PDE4D: variants seen among roughly 807,000 people sequenced by gnomAD.
PDE4D encodes 3',5'-cyclic-AMP phosphodiesterase 4D.
A neutral mutation model predicts 87.4 loss-of-function variants in PDE4D; 24 were observed. That is an observed-to-expected ratio of 0.27 (90% confidence interval 0.20 to 0.39). PDE4D has a LOEUF of 0.39. PDE4D is among the 10% of genes least tolerant of loss of function. The pLI is 1.00. For missense variants in PDE4D, 714 were observed against 1,041.0 expected, an observed-to-expected ratio of 0.69 and a Z score of 4.32; for synonymous variants, 384 against 383.2, an observed-to-expected ratio of 1.00 and a Z score of -0.02.
chr5:59,798,663 T>C (rs1766784073), intron 1 of PDE4D, among the ~76,000 whole-genome samples: 1 of 152,170 alleles, frequency 6.6e-6, no homozygotes, highest in South Asian at 2.1e-4. Context: ...TTTTTAAGAA[T>C]ATGAAAGTCT....
chr5:58,970,858 T>G lies in PDE4D; in HGVS notation c.*3806A>C, dbSNP rs565346712. ...AAGGACTTAAAAAAAAGAAAAAGAT[T>G]GTTTATAATCACTGGGAAAGAATAT... On this transcript the variant is annotated 3_prime_UTR_variant, in exon 15 of 15. Transcript: ENST00000340635. 7.4e-4 allele frequency: 113 copies of G among 151,772 alleles called. No homozygotes were observed. The highest frequency in any genetic ancestry group is 2.7e-3 in the African/African-American group (111 of 41,362). The allele number at this position is 151,772 out of a possible 1,614,324, so 9.4% of individuals were successfully genotyped here.
chr5:60,432,046 T>C (rs905535775), intron 1 of PDE4D, among the ~76,000 whole-genome samples: 38 of 151,444 alleles, frequency 2.5e-4, no homozygotes, highest in Middle Eastern at 3.4e-3. Context: ...CAGCTCGGCA[T>C]CAGAGGGAGA....
chr5:59,274,443 T>C (rs1392808603), intron 1 of PDE4D, among the ~76,000 whole-genome samples: 1 of 152,132 alleles, frequency 6.6e-6, no homozygotes, highest in Non-Finnish European at 1.5e-5. Flanking sequence ...ATAATGCATA[T>C]TTTGCTGGCC....
At chr5:60,224,860 G>A (rs529653565) in intron 1 of PDE4D, among the ~76,000 whole-genome samples, 12 of 152,068 alleles carry the variant, frequency 7.9e-5, no homozygotes, top group Middle Eastern at 3.4e-3. Flanking sequence ...TGGGGGAGGC[G>A]GGGAGAGGGA....
intron 1 of PDE4D, among the ~76,000 whole-genome samples, chr5:60,402,639 G>T (rs909359032): frequency 2.6e-5 from 4 of 152,182 alleles, no homozygotes; most frequent in African/African-American, 9.6e-5. Flanking sequence ...ATACACACAA[G>T]CCTTGCTGCA....
intron 5 of PDE4D, among the ~76,000 whole-genome samples, chr5:59,131,493 T>C (rs957418546): frequency 2.6e-5 from 4 of 152,188 alleles, no homozygotes; most frequent in Admixed American, 2.6e-4. Flanking sequence ...TCCTCATGAA[T>C]GACTTTATCA....
chr5:59,769,935 G>C (rs1270073612), intron 1 of PDE4D, among the ~76,000 whole-genome samples: 1 of 151,856 alleles, frequency 6.6e-6, no homozygotes, highest in Admixed American at 6.6e-5. Context: ...TGCCCCCCTG[G>C]TTGCTCCATT....
chr5:60,014,327 T>G (rs1374117834), intron 2 of PDE4D, among the ~76,000 whole-genome samples: 3 of 152,078 alleles, frequency 2.0e-5, no homozygotes, highest in Non-Finnish European at 4.4e-5. Flanking sequence ...ATCCTACCCA[T>G]CAGAAATAGG....
chr5:59,570,627 T>C (rs191708121), intron 1 of PDE4D, among the ~76,000 whole-genome samples: 20 of 141,894 alleles, frequency 1.4e-4, no homozygotes, highest in Non-Finnish European at 2.4e-4. Flanking sequence ...TTCAGGAGTA[T>C]ACAATGTTGA....
At chr5:59,369,484 T>C (rs1783609138) in intron 1 of PDE4D, among the ~76,000 whole-genome samples, 1 of 151,994 alleles carries the variant, frequency 6.6e-6, no homozygotes, top group African/African-American at 2.4e-5. Flanking sequence ...TTCTAGGAAA[T>C]CAAAGTTAGG....
At chr5:59,892,836 G>C (rs1308824254) in intron 1 of PDE4D, among the ~76,000 whole-genome samples, 1 of 151,694 alleles carries the variant, frequency 6.6e-6, no homozygotes, top group South Asian at 2.1e-4. Flanking sequence ...AGCCAGGGTG[G>C]TATGGAAGTG....
chr5:59,732,758 A>G (rs1380733831), intron 1 of PDE4D, among the ~76,000 whole-genome samples: 1 of 152,116 alleles, frequency 6.6e-6, no homozygotes, highest in African/African-American at 2.4e-5. Context: ...AAATAATGAA[A>G]TCTGTTTAAA....
intron 1 of PDE4D, among the ~76,000 whole-genome samples, chr5:60,287,940 G>A (rs1752558587): frequency 6.6e-6 from 1 of 152,164 alleles, no homozygotes; most frequent in South Asian, 2.1e-4. Context: ...GCATTTTAAA[G>A]GAGCATCCAT....
At chr5:60,054,558 A>G (rs2152882420) in intron 2 of PDE4D, among the ~76,000 whole-genome samples, 1 of 152,260 alleles carries the variant, frequency 6.6e-6, no homozygotes, top group East Asian at 1.9e-4. Flanking sequence ...GAGGGATAGC[A>G]TTAGGAGAAA....
intron 2 of PDE4D, among the ~76,000 whole-genome samples, chr5:60,037,063 G>A (rs932381003): frequency 6.6e-6 from 1 of 152,150 alleles, no homozygotes; most frequent in African/African-American, 2.4e-5. Flanking sequence ...TCAGTTACCT[G>A]CATGCCAGGT....
At chr5:59,583,577 C>G (rs188766135) in intron 1 of PDE4D, among the ~76,000 whole-genome samples, 86 of 152,324 alleles carry the variant, frequency 5.6e-4, no homozygotes, top group Non-Finnish European at 6.5e-4. Flanking sequence ...AAAGAAGAAA[C>G]ACACATTCTT....
At chr5:59,126,837 A>G (rs950113258) in intron 5 of PDE4D, among the ~76,000 whole-genome samples, 1 of 152,248 alleles carries the variant, frequency 6.6e-6, no homozygotes, top group African/African-American at 2.4e-5. Context: ...GCCGTAAAAT[A>G]AAGCGTGTTA....
chr5:59,734,312 T>C (rs960830012), intron 1 of PDE4D, among the ~76,000 whole-genome samples: 2 of 152,108 alleles, frequency 1.3e-5, no homozygotes, highest in African/African-American at 4.8e-5. Flanking sequence ...AGACTCAATA[T>C]CTGATGTTGA....
intron 1 of PDE4D, among the ~76,000 whole-genome samples, chr5:59,304,660 A>G (rs929056456): frequency 3.3e-5 from 5 of 151,988 alleles, no homozygotes; most frequent in African/African-American, 9.7e-5. Context: ...TGATCATGGA[A>G]TTTTTGTTTT....
Sources: gnomAD v4.1 joint callset for allele counts (sites outside exome capture counted in the v4.1 genomes callset) on GRCh38, gnomAD v4.1.1 for gene constraint, MANE v1.5 for transcripts, NCBI Gene and HGNC (gene_info 2026-07-23, HGNC 2026-07-21) for gene names.